CDK14: variants seen among roughly 807,000 people sequenced by gnomAD.
CDK14 encodes cyclin dependent kinase 14.
CDK14 carries 34 observed loss-of-function variants against 60.7 expected under a neutral mutation model. The observed-to-expected ratio is 0.56, with a 90% CI of 0.43 to 0.75. CDK14 has a LOEUF of 0.75. CDK14 is among the 30% of genes least tolerant of loss of function. CDK14 has a pLI of 0.00. For synonymous variants in CDK14, 197 were observed against 203.7 expected, an observed-to-expected ratio of 0.97 and a Z score of 0.28; for missense variants, 482 against 564.1, an observed-to-expected ratio of 0.85 and a Z score of 1.47.
Position 91,022,286 on chromosome 7 carries a change from C to A in CDK14, c.1042-23611C>A, listed in dbSNP as rs145627433. 6.6e-5 allele frequency among the ~76,000 whole-genome samples: 10 copies of A among 152,294 alleles called. No individual in the cohort carries two copies. The East Asian group carries it at 1.9e-3, about 29-fold the overall frequency. On this transcript the variant is annotated intron_variant, in intron 10 of 14. Coordinates refer to ENST00000380050, the MANE Select transcript of CDK14 (RefSeq NM_001287135.2). ...TTATGTTCTCTTCGTAAAGGCTCAT[C>A]ATTTAGAGTAGGGTTTCTCAGCTAC...
intron 14 of CDK14, among the ~76,000 whole-genome samples, chr7:91,125,038 A>T (rs1562915077): frequency 6.6e-6 from 1 of 152,204 alleles, no homozygotes; most frequent in Non-Finnish European, 1.5e-5. Context: ...TAAGCATAAA[A>T]GGAGGCTGTT....
At chr7:90,724,477 G>A (rs1351170336) in intron 2 of CDK14, among the ~76,000 whole-genome samples, 1 of 149,776 alleles carries the variant, frequency 6.7e-6, no homozygotes, top group Non-Finnish European at 1.5e-5. Context: ...GTTTTTATTT[G>A]CTTTATTTAT....
At chr7:91,147,152 TCTCTCTCTCTCACACACACACACA>T (rs1373888461) in intron 14 of CDK14, among the ~76,000 whole-genome samples, 1 of 103,572 alleles carries the variant, frequency 9.7e-6, no homozygotes, top group African/African-American at 3.5e-5. Flanking sequence ...TCTCTCTCTC[TCTCTCTCTCTCACACACACACACA>T]CACACACACA....
chr7:90,726,485 C>T, intron 2 of CDK14, 82 bp from the exon 3 acceptor site: 4 of 1,432,378 alleles, frequency 2.8e-6, no homozygotes, highest in Non-Finnish European at 3.8e-6. Context: ...AATTGGCATG[C>T]TTTCTAGAGT....
At chr7:90,770,387 G>A (rs143381195) in intron 4 of CDK14, among the ~76,000 whole-genome samples, 12 of 152,264 alleles carry the variant, frequency 7.9e-5, no homozygotes, top group African/African-American at 2.9e-4. Context: ...GGTTTATGTA[G>A]TGGACTTAAA....
intron 4 of CDK14, among the ~76,000 whole-genome samples, chr7:90,758,232 C>T (rs1804161833): frequency 6.6e-6 from 1 of 152,036 alleles, no homozygotes; most frequent in Non-Finnish European, 1.5e-5. Flanking sequence ...CAGATTTCTT[C>T]TCTGTCTCTC....
chr7:91,175,285 C>T (rs1471808607), intron 14 of CDK14, among the ~76,000 whole-genome samples: 1 of 152,042 alleles, frequency 6.6e-6, no homozygotes, highest in Non-Finnish European at 1.5e-5. Flanking sequence ...ACCAGGCCTG[C>T]CTTACAAGAG....
intron 3 of CDK14, among the ~76,000 whole-genome samples, chr7:90,731,610 T>C (rs949046553): frequency 8.5e-5 from 13 of 152,180 alleles, no homozygotes; most frequent in Admixed American, 7.2e-4. Flanking sequence ...CAATTGTGAA[T>C]GGGAGTTCAC....
chr7:90,901,384 G>A (rs1272985927), intron 7 of CDK14, among the ~76,000 whole-genome samples: 1 of 152,124 alleles, frequency 6.6e-6, no homozygotes, highest in Non-Finnish European at 1.5e-5. Context: ...CTACTTGGAA[G>A]TTGTTTAACA....
chr7:90,924,221 G>A (rs779188793), intron 8 of CDK14, among the ~76,000 whole-genome samples: 1 of 152,242 alleles, frequency 6.6e-6, no homozygotes, highest in Non-Finnish European at 1.5e-5. Flanking sequence ...CACATGGCAA[G>A]GGGGTTGAGC....
intron 2 of CDK14, among the ~76,000 whole-genome samples, chr7:90,642,577 G>A (rs888310907): frequency 3.3e-5 from 5 of 151,610 alleles, no homozygotes; most frequent in African/African-American, 4.9e-5. Context: ...ACAGGGTTTC[G>A]CCATGTTGGC....
intron 11 of CDK14, among the ~76,000 whole-genome samples, chr7:91,078,137 G>A (rs1317857742): frequency 1.3e-5 from 2 of 152,144 alleles, no homozygotes; most frequent in Non-Finnish European, 2.9e-5. Context: ...CTATATTGGG[G>A]AATCTATCCA....
At chr7:90,841,970 T>G (rs1790310220) in intron 5 of CDK14, among the ~76,000 whole-genome samples, 1 of 152,144 alleles carries the variant, frequency 6.6e-6, no homozygotes, top group African/African-American at 2.4e-5. Flanking sequence ...ATTCAAATCC[T>G]ATGTATTTTT....
intron 10 of CDK14, among the ~76,000 whole-genome samples, chr7:91,026,134 G>A (rs1796563580): frequency 6.6e-6 from 1 of 151,990 alleles, no homozygotes; most frequent in Non-Finnish European, 1.5e-5. Context: ...CTTTCTCCCT[G>A]TAACCTGTCA....
chr7:90,847,321 A>G lies in CDK14; in HGVS notation c.545-15854A>G, dbSNP rs552670039. Among the ~76,000 whole-genome samples, 5 of 152,356 alleles carry G rather than the reference A, an allele frequency of 3.3e-5. No homozygotes were observed. In the South Asian group the frequency reaches 1.0e-3, roughly 32 times the overall value. On this transcript the variant is annotated intron_variant, in intron 5 of 14. Transcript: ENST00000380050. ...ATATTAGCTGAATAAATCAATAAAT[A>G]CTTTGTTAAATAAGTACCTGCCTTA...
intron 2 of CDK14, among the ~76,000 whole-genome samples, chr7:90,690,383 G>A (rs1801529685): frequency 6.6e-6 from 1 of 152,134 alleles, no homozygotes; most frequent in Non-Finnish European, 1.5e-5. Context: ...TTTCACATCT[G>A]TAAAATGGGA....
chr7:90,854,247 A>G (rs1485135696), intron 5 of CDK14, among the ~76,000 whole-genome samples: 2 of 152,172 alleles, frequency 1.3e-5, no homozygotes, highest in Non-Finnish European at 2.9e-5. Context: ...GGCACAGTGT[A>G]TCATGCCTGT....
At chr7:90,808,162 G>T (rs1475015092) in intron 5 of CDK14, among the ~76,000 whole-genome samples, 1 of 152,120 alleles carries the variant, frequency 6.6e-6, no homozygotes, top group Non-Finnish European at 1.5e-5. Context: ...ACACATAATT[G>T]TCAGGTTCAC....
intron 5 of CDK14, among the ~76,000 whole-genome samples, chr7:90,862,931 G>C (rs1214895374): frequency 6.6e-6 from 1 of 152,138 alleles, no homozygotes; most frequent in African/African-American, 2.4e-5. Flanking sequence ...TGTAATCCCA[G>C]CTTGTCAGGA....
Sources: allele counts gnomAD v4.1 joint callset (sites outside exome capture counted in the v4.1 genomes callset), GRCh38; gene constraint gnomAD v4.1.1; transcripts MANE v1.5; gene names NCBI Gene and HGNC (gene_info 2026-07-23, HGNC 2026-07-21).